BLTP1: variants seen among roughly 807,000 people sequenced by gnomAD.
The protein encoded by BLTP1 is fragile site-associated protein.
the BLTP1 span, chr4:122,254,134 C>G: frequency 1.3e-6 from 2 of 1,511,408 alleles, no homozygotes; most frequent in South Asian, 2.4e-5. Flanking sequence ...ACATTAGCCT[C>G]TGTGTTAGTG....
chr4:122,226,614 C>A, the BLTP1 span: 1 of 1,553,982 alleles, frequency 6.4e-7, no homozygotes, highest in Non-Finnish European at 8.6e-7. Context: ...TGGGTTCTTT[C>A]AAGCTACGTT....
At chr4:122,252,328 C>T in the BLTP1 span, among the ~76,000 whole-genome samples, 1 of 152,154 alleles carries the variant, frequency 6.6e-6, no homozygotes, top group Non-Finnish European at 1.5e-5. Context: ...CCACAATGTG[C>T]AGAGCACTAA....
the BLTP1 span, chr4:122,261,984 C>T: frequency 5.1e-6 from 5 of 985,250 alleles, no homozygotes; most frequent in African/African-American, 7.0e-5. Context: ...GTCAACATTT[C>T]TTGCTATTAG....
the BLTP1 span, chr4:122,346,617 T>C: frequency 6.2e-7 from 1 of 1,610,444 alleles, no homozygotes; most frequent in Non-Finnish European, 8.5e-7. Context: ...GTTATTTATG[T>C]ATCAGCTGTT....
At chr4:122,295,453 A>G in the BLTP1 span, among the ~76,000 whole-genome samples, 1 of 152,160 alleles carries the variant, frequency 6.6e-6, no homozygotes, top group Non-Finnish European at 1.5e-5. Context: ...ATTGGGGGCC[A>G]ATATTCAACA....
At chr4:122,282,042 A>T in the BLTP1 span, 1 of 979,224 alleles carries the variant, frequency 1.0e-6, no homozygotes, top group East Asian at 1.1e-4. Flanking sequence ...TAAGTTGAAG[A>T]AATTAACCCA....
the BLTP1 span, chr4:122,246,257 G>A: frequency 5.0e-6 from 8 of 1,607,420 alleles, no homozygotes; most frequent in Non-Finnish European, 5.9e-6. Flanking sequence ...GCAAGATAAT[G>A]TAACAATTAA....
the BLTP1 span, chr4:122,250,426 A>T: frequency 6.2e-7 from 1 of 1,613,870 alleles, no homozygotes; most frequent in Non-Finnish European, 8.5e-7. Context: ...CTAGTGACAC[A>T]GAAAGGGGTG....
the BLTP1 span, chr4:122,279,802 GT>G: frequency 1.2e-6 from 2 of 1,613,846 alleles, no homozygotes; most frequent in Non-Finnish European, 1.7e-6. Context: ...GTATTGCCAA[GT>G]CCCAAGCCCT....
At chr4:122,346,804 A>G in the BLTP1 span, 1 of 1,596,560 alleles carries the variant, frequency 6.3e-7, no homozygotes. Flanking sequence ...TGTAGCAGCA[A>G]GACCTACAAT....
At chr4:122,204,822 TA>T in the BLTP1 span, 1 of 863,482 alleles carries the variant, frequency 1.2e-6, no homozygotes, top group Non-Finnish European at 1.4e-6. Flanking sequence ...TAGGTAGGAG[TA>T]AAAGATTTGA....
chr4:122,179,125 A>T, the BLTP1 span, among the ~76,000 whole-genome samples: 1 of 152,090 alleles, frequency 6.6e-6, no homozygotes, highest in Admixed American at 6.5e-5. Flanking sequence ...TAAAAATTTT[A>T]AAAAATGAGC....
chr4:122,285,947 G>A, the BLTP1 span, among the ~76,000 whole-genome samples: 1 of 152,140 alleles, frequency 6.6e-6, no homozygotes, highest in South Asian at 2.1e-4. Context: ...ATTGATTTAA[G>A]TGTTTAAGGT....
At chr4:122,237,429 T>C in the BLTP1 span, 7 of 845,698 alleles carry the variant, frequency 8.3e-6, no homozygotes, top group South Asian at 2.7e-4. Context: ...TGAGGCATTA[T>C]TCTAGGCACT....
the BLTP1 span, among the ~76,000 whole-genome samples, chr4:122,258,230 G>T: frequency 3.6e-3 from 552 of 152,226 alleles, 2 homozygotes; most frequent in African/African-American, 0.013. Context: ...AATATTGAAA[G>T]AGTAGTCTTA....
At chr4:122,268,985 G>A in the BLTP1 span, 21 of 296,156 alleles carry the variant, frequency 7.1e-5, no homozygotes, top group East Asian at 3.5e-4. Context: ...AATTTGTATC[G>A]CCTTATTGGG....
At chr4:122,246,675 T>A in the BLTP1 span, 1 of 1,605,392 alleles carries the variant, frequency 6.2e-7, no homozygotes, top group Non-Finnish European at 8.5e-7. Flanking sequence ...ATTTTGTGTG[T>A]GTGTTAGGTA....
chr4:122,306,023 A>G, the BLTP1 span: 3 of 1,608,976 alleles, frequency 1.9e-6, no homozygotes, highest in Admixed American at 3.4e-5. Context: ...TTGTTTATGC[A>G]CAGCCTGTGG....
the BLTP1 span, among the ~76,000 whole-genome samples, chr4:122,215,834 A>C: frequency 6.8e-6 from 1 of 146,164 alleles, no homozygotes; most frequent in African/African-American, 2.6e-5. Context: ...TTTATCCCTC[A>C]CCCCCCCCAT....
Sources: allele counts gnomAD v4.1 joint callset (sites outside exome capture counted in the v4.1 genomes callset), GRCh38; gene constraint gnomAD v4.1.1; transcripts MANE v1.5; gene names NCBI Gene and HGNC (gene_info 2026-07-23, HGNC 2026-07-21).